Variants in PYHIN1 observed in about 807,000 individuals in gnomAD.
The protein encoded by PYHIN1 is pyrin and HIN domain family member 1.
Under a neutral mutation model 43.7 loss-of-function variants are expected in PYHIN1, and 32 were observed. That is an observed-to-expected ratio of 0.73 (90% CI 0.55 to 0.98). The LOEUF is 0.98. Ranked by LOEUF, PYHIN1 falls within the 50% of genes least tolerant of loss-of-function variation. The pLI is 0.00. For missense variants in PYHIN1, 588 were observed against 589.5 expected (o/e 1.00, Z 0.03); for synonymous variants, 205 against 203.1 (o/e 1.01, Z -0.08).
At chr1:158,983,611 T>C in the PYHIN1 span, among the ~76,000 whole-genome samples, 1 of 152,072 alleles carries the variant, frequency 6.6e-6, no homozygotes. Flanking sequence ...TTTTCCTTTG[T>C]GTTTCTGTCA....
chr1:158,935,192 T>C (rs952039011), intron 1 of PYHIN1, among the ~76,000 whole-genome samples: 2 of 151,460 alleles, frequency 1.3e-5, no homozygotes, highest in Non-Finnish European at 2.9e-5. Flanking sequence ...AATGTGGGAA[T>C]GGCTTTCCAG....
At chr1:158,956,317 C>A (rs1026413200) in intron 7 of PYHIN1, among the ~76,000 whole-genome samples, 4 of 152,084 alleles carry the variant, frequency 2.6e-5, no homozygotes, top group Non-Finnish European at 2.9e-5. Flanking sequence ...GAATTTTAGA[C>A]CAATATCCTT....
intron 1 of PYHIN1, among the ~76,000 whole-genome samples, chr1:158,936,271 T>A (rs931251953): frequency 3.6e-5 from 5 of 138,662 alleles, no homozygotes; most frequent in Non-Finnish European, 7.6e-5. Flanking sequence ...CCATGTGTTC[T>A]CATTGTTCAA....
intron 7 of PYHIN1, among the ~76,000 whole-genome samples, chr1:158,973,093 T>C (rs973778532): frequency 2.0e-5 from 3 of 151,712 alleles, no homozygotes; most frequent in Non-Finnish European, 4.4e-5. Flanking sequence ...AAAAGGGGAG[T>C]ATTAAGTCTT....
intron 7 of PYHIN1, among the ~76,000 whole-genome samples, chr1:158,948,246 G>A (rs1026978545): frequency 2.2e-4 from 33 of 152,292 alleles, no homozygotes; most frequent in African/African-American, 7.9e-4. Flanking sequence ...CCAGGAACAG[G>A]TGTCAAACCA....
At chr1:158,946,527 G>T (rs1254154205) in intron 7 of PYHIN1, among the ~76,000 whole-genome samples, 1 of 151,616 alleles carries the variant, frequency 6.6e-6, no homozygotes, top group East Asian at 1.9e-4. Flanking sequence ...GGATTTGAAA[G>T]AATCCTTCTA....
At chr1:158,937,989 C>T (rs1648667417) in intron 2 of PYHIN1, among the ~76,000 whole-genome samples, 1 of 151,902 alleles carries the variant, frequency 6.6e-6, no homozygotes, top group African/African-American at 2.4e-5. Flanking sequence ...CCATATCTCA[C>T]CTCACAAACC....
the PYHIN1 span, among the ~76,000 whole-genome samples, chr1:158,985,208 G>A: frequency 1.3e-5 from 2 of 152,220 alleles, no homozygotes; most frequent in Non-Finnish European, 2.9e-5. Flanking sequence ...GTTATTAGCT[G>A]GTTGTTATGT....
chr1:158,942,533 A>G lies in PYHIN1; in HGVS notation c.1002+134A>G, dbSNP rs1292772779. 1.4e-5 allele frequency: 9 copies of G among 664,298 alleles called. No homozygotes were observed. The East Asian group carries it at 1.9e-4, about 14-fold the overall frequency. The allele number at this position is 664,298 out of a possible 1,614,324, so 41.2% of individuals were successfully genotyped here. ...CTCTCTCAAAACTACTGACAAGTAG[A>G]TAAAGTCTTCTTCGAGGTTAAGACC... On this transcript the variant is annotated intron_variant, in intron 5 of 8. Transcript: ENST00000368140.
chr1:158,989,271 T>C, the PYHIN1 span, among the ~76,000 whole-genome samples: 2 of 152,180 alleles, frequency 1.3e-5, no homozygotes, highest in South Asian at 2.1e-4. Flanking sequence ...TTTTAATGAA[T>C]GAGTTAAGAC....
At chr1:158,958,965 G>C (rs1650158340) in intron 7 of PYHIN1, among the ~76,000 whole-genome samples, 1 of 151,518 alleles carries the variant, frequency 6.6e-6, no homozygotes, top group South Asian at 2.1e-4. Context: ...TACTGTTTCT[G>C]TTGAGCTGAT....
intron 8 of PYHIN1, among the ~76,000 whole-genome samples, chr1:158,975,000 A>G (rs767776997): frequency 6.6e-6 from 1 of 152,038 alleles, no homozygotes; most frequent in African/African-American, 2.4e-5. Flanking sequence ...AATACGCATT[A>G]TGGTCTGTTT....
chr1:158,934,999 T>C (rs920205540), intron 1 of PYHIN1, among the ~76,000 whole-genome samples: 4 of 152,116 alleles, frequency 2.6e-5, no homozygotes, highest in Non-Finnish European at 5.9e-5. Context: ...CAAAGCGCTA[T>C]GTTAATTTAA....
the PYHIN1 span, among the ~76,000 whole-genome samples, chr1:158,986,012 G>A: frequency 6.6e-6 from 1 of 151,976 alleles, no homozygotes; most frequent in East Asian, 1.9e-4. Context: ...AGGTTAGTTT[G>A]GTTCTTTCTT....
At chr1:158,942,574 A>G (rs547013097) in intron 5 of PYHIN1, among the ~76,000 whole-genome samples, 175 bp downstream of exon 5, 1 of 152,322 alleles carries the variant, frequency 6.6e-6, no homozygotes, top group African/African-American at 2.4e-5. Context: ...TAGGAGAACT[A>G]TTAATGTTCT....
At chr1:158,946,349 T>C (rs1421021492) in intron 7 of PYHIN1, among the ~76,000 whole-genome samples, 1 of 152,182 alleles carries the variant, frequency 6.6e-6, no homozygotes. Context: ...GAGAAAATTA[T>C]ATGATTGAGG....
At chr1:158,969,026 C>A (rs1234637828) in intron 7 of PYHIN1, among the ~76,000 whole-genome samples, 1 of 151,970 alleles carries the variant, frequency 6.6e-6, no homozygotes, top group Non-Finnish European at 1.5e-5. Context: ...AACAAACCTG[C>A]ACATGTACCT....
At chr1:158,989,163 G>A in the PYHIN1 span, among the ~76,000 whole-genome samples, 2 of 152,138 alleles carry the variant, frequency 1.3e-5, no homozygotes, top group Non-Finnish European at 1.5e-5. Flanking sequence ...AGATTTTCAG[G>A]TTCACAGATG....
At position 158,967,840 on chromosome 1, in the gene PYHIN1, G is replaced by T. The variant is rs371762518; in HGVS notation, c.1360-5807G>T. Among the ~76,000 whole-genome samples the T allele has an allele frequency of 9.9e-5, 15 of 152,062 alleles. 1 individual carries two copies. Among genetic ancestry groups the T allele is most frequent in the Admixed American group, 6.6e-4 (10 of 15,260 alleles). On this transcript the variant is annotated intron_variant, in intron 7 of 8. Coordinates refer to ENST00000368140, the MANE Select transcript of PYHIN1 (RefSeq NM_152501.5). ...ACAAAGTTGACAATGACAAGCAATGGGATAAGGACTCCTTTTTCAATAAAT... is the reference window on the plus strand; with the variant it reads ...ACAAAGTTGACAATGACAAGCAATGTGATAAGGACTCCTTTTTCAATAAAT...
Sources: allele counts gnomAD v4.1 joint callset (sites outside exome capture counted in the v4.1 genomes callset), GRCh38; gene constraint gnomAD v4.1.1; transcripts MANE v1.5; gene names NCBI Gene and HGNC (gene_info 2026-07-23, HGNC 2026-07-21).